PRKCH: variants seen among roughly 807,000 people sequenced by gnomAD.
PRKCH encodes the protein protein kinase C eta type.
In PRKCH, 28 loss-of-function variants were observed where a neutral mutation model predicts 82.5. The observed-to-expected ratio is 0.34, with a 90% CI of 0.25 to 0.47. The LOEUF (loss-of-function observed/expected upper bound fraction) is 0.47. Ranked by LOEUF, PRKCH falls within the 20% of genes least tolerant of loss-of-function variation. The probability of loss-of-function intolerance (pLI) is 1.00; values close to 1 mark genes in which losing one functional copy is unlikely to be tolerated. For missense variants in PRKCH, 705 were observed against 881.8 expected, an observed-to-expected ratio of 0.80 and a Z score of 2.54; for synonymous variants, 322 against 327.4, an observed-to-expected ratio of 0.98 and a Z score of 0.18.
intron 9 of PRKCH, among the ~76,000 whole-genome samples, chr14:61,461,928 T>C (rs1281054193): frequency 6.6e-6 from 1 of 152,238 alleles, no homozygotes; most frequent in African/African-American, 2.4e-5. Flanking sequence ...AGTTTTATGT[T>C]TGACCACAAG....
chr14:61,253,658 G>A (rs1243047320), intron 1 of PRKCH, among the ~76,000 whole-genome samples: 1 of 152,178 alleles, frequency 6.6e-6, no homozygotes, highest in Non-Finnish European at 1.5e-5. Context: ...GGCAGAGCTT[G>A]GTGGTTCAAC....
intron 1 of PRKCH, among the ~76,000 whole-genome samples, chr14:61,263,248 C>T (rs1429423429): frequency 6.6e-6 from 1 of 152,116 alleles, no homozygotes; most frequent in African/African-American, 2.4e-5. Context: ...CTTTTTTGCA[C>T]ATGATTCTAC....
chr14:61,188,465 T>G (rs1420942037), intron 1 of PRKCH, among the ~76,000 whole-genome samples: 7 of 136,898 alleles, frequency 5.1e-5, no homozygotes, highest in Non-Finnish European at 8.0e-5. Flanking sequence ...AGGCAGCGGC[T>G]CGGGCAGGCG....
chr14:61,397,185 G>A (rs1011705998), intron 2 of PRKCH, among the ~76,000 whole-genome samples: 1 of 152,176 alleles, frequency 6.6e-6, no homozygotes, highest in Non-Finnish European at 1.5e-5. Context: ...AGAGATGTCT[G>A]TGTAGTAAAA....
chr14:61,356,841 C>CTGGCTAATTTTTGTATTTT (rs1358516926), intron 1 of PRKCH, among the ~76,000 whole-genome samples: 37 of 152,182 alleles, frequency 2.4e-4, no homozygotes, highest in Admixed American at 2.2e-3. Context: ...ACCACCACGC[C>CTGGCTAATTTTTGTATTTT]TGGCTAATTT....
At chr14:61,513,105 A>T (rs2042771203) in intron 10 of PRKCH, among the ~76,000 whole-genome samples, 1 of 152,180 alleles carries the variant, frequency 6.6e-6, no homozygotes, top group Non-Finnish European at 1.5e-5. Flanking sequence ...GTAGCATAAA[A>T]GATTTACCAC....
chr14:61,530,919 C>T (rs1304700300), intron 12 of PRKCH, among the ~76,000 whole-genome samples: 1 of 152,200 alleles, frequency 6.6e-6, no homozygotes, highest in Non-Finnish European at 1.5e-5. Context: ...AGTCAGGCCA[C>T]ACCAGAGTTT....
At chr14:61,308,660 G>A (rs544893514) in intron 1 of PRKCH, among the ~76,000 whole-genome samples, 10 of 152,026 alleles carry the variant, frequency 6.6e-5, no homozygotes, top group South Asian at 6.3e-4. Context: ...ACAGAGTCTC[G>A]CTCCATTGCC....
intron 9 of PRKCH, chr14:61,477,052 C>T (rs1885759479): frequency 6.6e-6 from 1 of 152,160 alleles, no homozygotes; most frequent in Non-Finnish European, 1.5e-5. Flanking sequence ...ATTTGAACTC[C>T]CTGCTCACCC....
At chr14:61,235,524 C>T (rs1487224504) in intron 1 of PRKCH, among the ~76,000 whole-genome samples, 3 of 152,142 alleles carry the variant, frequency 2.0e-5, no homozygotes, top group Non-Finnish European at 4.4e-5. Flanking sequence ...TCCCAATTAA[C>T]CTGCCCAATT....
rs932533649 is a variant in PRKCH, at chr14:61,549,828, A to G, written c.2049A>G (p.Pro683=). 1.2e-6 allele frequency: 2 copies of G among 1,613,746 alleles called. No individual in the cohort carries two copies. Among genetic ancestry groups the G allele is most frequent in the African/African-American group, 1.3e-5 (1 of 74,912 alleles). Residue 683 remains proline, a synonymous_variant, in exon 14 of 14, where the codon CCA becomes CCG. Coordinates refer to ENST00000332981, the MANE Select transcript of PRKCH (RefSeq NM_006255.5). Reference sequence around the variant, plus strand: ...CCTATGTGTCTCCAGAATTGCAACCATAGCCTTATGGGGAGTGAGAGAGAG... The same window carrying G: ...CCTATGTGTCTCCAGAATTGCAACCGTAGCCTTATGGGGAGTGAGAGAGAG... ...NFSYVSPELQ[P] is the part of the protein sequence containing the mutation.
intron 10 of PRKCH, chr14:61,492,138 A>G (rs1886473953): frequency 6.6e-6 from 1 of 152,280 alleles, no homozygotes; most frequent in African/African-American, 2.4e-5. Flanking sequence ...AGAGCAGGCC[A>G]GCCTGGCTGG....
At chr14:61,454,667 C>T (rs1884677550) in intron 7 of PRKCH, among the ~76,000 whole-genome samples, 1 of 152,222 alleles carries the variant, frequency 6.6e-6, no homozygotes. Context: ...GTCTCTCCCT[C>T]TGGACTCTCA....
At chr14:61,491,484 C>A (rs1452543210) in intron 10 of PRKCH, among the ~76,000 whole-genome samples, 2 of 152,182 alleles carry the variant, frequency 1.3e-5, no homozygotes, top group Non-Finnish European at 2.9e-5. Flanking sequence ...GCTCTTTGAG[C>A]TTTTTAGTCA....
intron 2 of PRKCH, among the ~76,000 whole-genome samples, chr14:61,427,136 C>T (rs1409626084): frequency 6.6e-6 from 1 of 151,850 alleles, no homozygotes; most frequent in African/African-American, 2.4e-5. Flanking sequence ...TCTGGAAAGG[C>T]AGGACAACTT....
intron 1 of PRKCH, among the ~76,000 whole-genome samples, chr14:61,268,548 G>T (rs1180625468): frequency 2.6e-5 from 4 of 151,996 alleles, no homozygotes; most frequent in African/African-American, 9.7e-5. Context: ...CATGCCTGTA[G>T]TCCCAGCTAC....
intron 1 of PRKCH, among the ~76,000 whole-genome samples, chr14:61,271,965 C>A (rs915721478): frequency 3.9e-5 from 6 of 152,218 alleles, no homozygotes; most frequent in African/African-American, 1.4e-4. Context: ...GTGGCTCACG[C>A]CTGTAATCCC....
At chr14:61,349,960 A>G (rs1033909) in intron 1 of PRKCH, among the ~76,000 whole-genome samples, 152,220 of 152,316 alleles carry the variant, frequency 1, 76,062 homozygotes, top group Non-Finnish European at 1. Context: ...GCACTCAATG[A>G]CAAGTTATGC....
intron 9 of PRKCH, 104 bp downstream of exon 9, chr14:61,457,783 G>A (rs113847229): frequency 1.4e-6 from 2 of 1,466,912 alleles, no homozygotes; most frequent in Non-Finnish European, 9.3e-7. Context: ...AAATTTTGGG[G>A]GATGGGCTCC....
Sources: gnomAD v4.1 joint callset for allele counts (sites outside exome capture counted in the v4.1 genomes callset) on GRCh38, gnomAD v4.1.1 for gene constraint, MANE v1.5 for transcripts, NCBI Gene and HGNC (gene_info 2026-07-23, HGNC 2026-07-21) for gene names.